The following TRAPPC11 variants were observed in gnomAD, a reference collection of about 807,000 sequenced individuals.
TRAPPC11 encodes trafficking protein particle complex subunit 11.
TRAPPC11 carries 104 observed loss-of-function variants against 151.2 expected under a neutral mutation model. The observed-to-expected ratio is 0.69, with a 90% CI of 0.59 to 0.81. TRAPPC11 has a LOEUF of 0.81. Among genes scored for constraint, TRAPPC11 ranks in the 30% least tolerant of loss-of-function variants. The pLI, the probability that TRAPPC11 is intolerant of heterozygous loss-of-function variation, is 0.00. For synonymous variants in TRAPPC11, 456 were observed against 472.3 expected, an observed-to-expected ratio of 0.97 and a Z score of 0.45; for missense variants, 1,230 against 1,349.6, an observed-to-expected ratio of 0.91 and a Z score of 1.39.
At position 183,705,009 on chromosome 4, in the gene TRAPPC11, C is replaced by T. The variant is rs1298336861; in HGVS notation, c.2994C>T (p.Ile998=). The T allele has an allele frequency of 6.2e-7, 1 of 1,601,080 alleles. No individual in the cohort carries two copies. Among genetic ancestry groups the T allele is most frequent in the Admixed American group, 1.7e-5 (1 of 59,946 alleles). Residue 998 remains isoleucine (I), a synonymous_variant, in exon 27 of 30, where the codon ATC becomes ATT. Coordinates refer to ENST00000334690, the MANE Select transcript of TRAPPC11 (RefSeq NM_021942.6). ...CAGCAATGGAGAATATCCCCATCAT[C>T]ACAACTGTCATCACTCTGCCGCACG... is the stretch of plus-strand genomic sequence containing the variant. ...RTSAMENIPI[I]TTVITLPHVI...
In TRAPPC11 at chr4:183,712,684, G is replaced by C; in HGVS notation, c.*40G>C. 1.2e-6 allele frequency: 2 copies of C among 1,602,144 alleles called. No individual in the cohort carries two copies. The highest frequency in any genetic ancestry group is 1.7e-4 in the Middle Eastern group (1 of 6,036). On this transcript the variant is annotated 3_prime_UTR_variant, in exon 30 of 30. Coordinates refer to ENST00000334690, the MANE Select transcript of TRAPPC11 (RefSeq NM_021942.6). ...CCTTGGCTGTTGTTACAGAGATGTT[G>C]GGCAGAGCTATGCAGGTGTTTCATT...
chr4:183,701,960 A>G (rs1344022337), intron 26 of TRAPPC11, 152 bp downstream of exon 26: 2 of 639,474 alleles, frequency 3.1e-6, no homozygotes, highest in African/African-American at 3.7e-5. Context: ...AAAGATAATT[A>G]AAGCTGAATT....
At chr4:183,660,870 T>G (rs12651378) in intron 1 of TRAPPC11, among the ~76,000 whole-genome samples, 1 of 151,932 alleles carries the variant, frequency 6.6e-6, no homozygotes, top group African/African-American at 2.4e-5. Flanking sequence ...CGCATCACCA[T>G]GCCCGGCTAA....
intron 2 of TRAPPC11, among the ~76,000 whole-genome samples, chr4:183,664,671 A>T (rs1360808899): frequency 2.0e-5 from 3 of 152,218 alleles, no homozygotes; most frequent in Non-Finnish European, 4.4e-5. Context: ...AGTATCACTA[A>T]TAGCTAACAT....
intron 8 of TRAPPC11, 23 bp downstream of exon 8, chr4:183,677,577 C>CCCTGTATTTGGA: frequency 8.1e-7 from 1 of 1,233,094 alleles, no homozygotes; most frequent in Non-Finnish European, 1.2e-6. Flanking sequence ...CTTCCAAATA[C>CCCTGTATTTGGA]AGGGAATTTG....
chr4:183,667,909 C>G, intron 4 of TRAPPC11, 94 bp from the exon 5 acceptor site: 1 of 924,044 alleles, frequency 1.1e-6, no homozygotes, highest in Non-Finnish European at 1.8e-6. Context: ...GTTTTTATTC[C>G]TAATTCTATT....
chr4:183,679,470 G>A lies in TRAPPC11; in HGVS notation c.949G>A (p.Ala317Thr). ...GSAELSFEHD[A>T]WMSKQFQAFG... Reference sequence around the variant, plus strand: ...TGCAGAGCTGTCTTTTGAGCATGATGCATGGATGTCTAAACAGTATGTTTT... The same window carrying A: ...TGCAGAGCTGTCTTTTGAGCATGATACATGGATGTCTAAACAGTATGTTTT... The change falls in exon 9 of 30, where the codon GCA (alanine) becomes ACA (threonine). Residue 317 changes from alanine (A) to threonine (T), a missense_variant. Physicochemically the swap from Ala to Thr is moderately conservative, Grantham distance 58. Coordinates refer to ENST00000334690, the MANE Select transcript of TRAPPC11 (RefSeq NM_021942.6). 2 of 1,610,254 alleles carry A rather than the reference G, an allele frequency of 1.2e-6. No homozygotes were observed. The highest frequency in any genetic ancestry group is 1.7e-6 in the Non-Finnish European group (2 of 1,178,528).
chr4:183,684,414 C>CATT, intron 14 of TRAPPC11, 55 bp downstream of exon 14: 1 of 1,488,478 alleles, frequency 6.7e-7, no homozygotes. Context: ...TGAAGTGAAA[C>CATT]TGAAATAGAA....
intron 1 of TRAPPC11, among the ~76,000 whole-genome samples, chr4:183,663,360 A>G (rs1734658373): frequency 6.6e-6 from 1 of 152,134 alleles, no homozygotes; most frequent in South Asian, 2.1e-4. Context: ...CAGCCTCCTG[A>G]GTAGCTGGGA....
intron 26 of TRAPPC11, among the ~76,000 whole-genome samples, chr4:183,704,381 C>A (rs965189029): frequency 2.6e-5 from 4 of 151,724 alleles, no homozygotes; most frequent in African/African-American, 9.7e-5. Context: ...ATTAGCTGGG[C>A]GTGGCTTCAC....
intron 23 of TRAPPC11, 83 bp downstream of exon 23, chr4:183,694,806 CATAAAATA>C: frequency 9.7e-7 from 1 of 1,033,026 alleles, no homozygotes; most frequent in Non-Finnish European, 1.3e-6. Context: ...ATAAAATAAG[CATAAAATA>C]AGCAGTTTAG....
intron 10 of TRAPPC11, 130 bp downstream of exon 10, chr4:183,680,397 T>G: frequency 2.0e-6 from 2 of 1,017,886 alleles, no homozygotes; most frequent in Non-Finnish European, 1.3e-6. Flanking sequence ...TTTTATAGCT[T>G]TAGGAATTAC....
intron 27 of TRAPPC11, among the ~76,000 whole-genome samples, chr4:183,706,256 G>T (rs1460163928): frequency 1.3e-5 from 2 of 152,240 alleles, no homozygotes; most frequent in African/African-American, 4.8e-5. Flanking sequence ...GGGCGCGGTG[G>T]CTCACGCCTG....
At chr4:183,669,822 C>G (rs974106367) in intron 5 of TRAPPC11, among the ~76,000 whole-genome samples, 2 of 152,180 alleles carry the variant, frequency 1.3e-5, no homozygotes, top group African/African-American at 4.8e-5. Flanking sequence ...TCCTGCCCAC[C>G]ACAGCTTTCA....
chr4:183,704,589 G>T (rs968507859), intron 26 of TRAPPC11, among the ~76,000 whole-genome samples: 1 of 151,614 alleles, frequency 6.6e-6, no homozygotes, highest in African/African-American at 2.4e-5. Flanking sequence ...CGAGGTGGGC[G>T]GATCACGAGG....
chr4:183,684,342 TTA>T lies in TRAPPC11; in HGVS notation c.1407_1408del (p.Thr470GlnfsTer12). The T allele has an allele frequency of 6.2e-7, 1 of 1,613,720 alleles. No individual in the cohort carries two copies. The highest frequency in any genetic ancestry group is 1.1e-5 in the South Asian group (1 of 91,078). ...GAGAGGAATATTATTACGCAAAGGA[TTA>T]TACCAAAGCTTTGAAGTGAGTCCTG... ...MGEEYYYAKD[Y>X]TKALKLLDYV... is the part of the protein sequence containing the mutation. On this transcript the variant is annotated frameshift_variant, in exon 14 of 30. Transcript: ENST00000334690. LOFTEE classifies it high-confidence loss of function.
chr4:183,661,757 C>CTTTTTTTTTT (rs562308106), intron 1 of TRAPPC11, among the ~76,000 whole-genome samples: 2 of 100,108 alleles, frequency 2.0e-5, no homozygotes, highest in African/African-American at 7.9e-5. Context: ...TTTGGAATAA[C>CTTTTTTTTTT]TTTTTTTTTT....
In TRAPPC11 at chr4:183,706,941, G is replaced by A. The variant is rs1170374164; in HGVS notation, c.3189+1G>A. The A allele has an allele frequency of 1.9e-6, 3 of 1,613,788 alleles. No individual in the cohort carries two copies. Among genetic ancestry groups the A allele is most frequent in the Non-Finnish European group, 1.7e-6 (2 of 1,179,920 alleles). Reference sequence around the variant, plus strand: ...CTTCATGTTCTCAGGTCTCAAACAGGTACAGGTCATATCTTGTGATGCTTA... The same window carrying A: ...CTTCATGTTCTCAGGTCTCAAACAGATACAGGTCATATCTTGTGATGCTTA... On this transcript the variant is annotated splice_donor_variant, in intron 28 of 29. Coordinates refer to ENST00000334690, the MANE Select transcript of TRAPPC11 (RefSeq NM_021942.6). LOFTEE classifies it high-confidence loss of function.
rs193051183 is a variant in TRAPPC11, at chr4:183,676,103, T to C, written c.734+866T>C. Among the ~76,000 whole-genome samples the C allele has an allele frequency of 5.0e-3, 769 of 152,352 alleles. 4 individuals are homozygous for C. The highest frequency in any genetic ancestry group is 8.5e-3 in the African/African-American group (353 of 41,592). On this transcript the variant is annotated intron_variant, in intron 7 of 29. Transcript: ENST00000334690. ...GATGTTTAAGTACCAAAGCACCAAG[T>C]TGTGTTTCCTGAATCTCAACAACTT... is the stretch of plus-strand genomic sequence containing the variant.
Sources: gnomAD v4.1 joint callset for allele counts (sites outside exome capture counted in the v4.1 genomes callset) on GRCh38, gnomAD v4.1.1 for gene constraint, MANE v1.5 for transcripts, NCBI Gene and HGNC (gene_info 2026-07-23, HGNC 2026-07-21) for gene names.